Variants in KLF12 observed in about 807,000 individuals in gnomAD.
KLF12 encodes Krueppel-like factor 12.
In KLF12, 9 loss-of-function variants were observed where a neutral mutation model predicts 37.8. That is an observed-to-expected ratio of 0.24 (90% CI 0.14 to 0.42). The LOEUF (loss-of-function observed/expected upper bound fraction) is 0.42. KLF12 is among the 10% of genes least tolerant of loss of function. The probability of loss-of-function intolerance (pLI) is 1.00; values close to 1 mark genes in which losing one functional copy is unlikely to be tolerated. For missense variants in KLF12, 411 were observed against 516.0 expected, an observed-to-expected ratio of 0.80 and a Z score of 1.97; for synonymous variants, 208 against 202.1, an observed-to-expected ratio of 1.03 and a Z score of -0.25.
chr13:74,237,468 A>G, the KLF12 span, among the ~76,000 whole-genome samples: 7 of 138,256 alleles, frequency 5.1e-5, no homozygotes, highest in East Asian at 1.2e-3. Flanking sequence ...GTTTTTGCCA[A>G]TTCTGCGAAG....
chr13:74,006,038 A>C (rs1892401693), intron 1 of KLF12, among the ~76,000 whole-genome samples: 1 of 152,196 alleles, frequency 6.6e-6, no homozygotes, highest in South Asian at 2.1e-4. Context: ...TGCCTTAAAA[A>C]TATTCAGATG....
chr13:74,113,860 A>G (rs981484736), intron 1 of KLF12, among the ~76,000 whole-genome samples: 1 of 152,234 alleles, frequency 6.6e-6, no homozygotes, highest in African/African-American at 2.4e-5. Flanking sequence ...CTGATTCATC[A>G]TTCTAGATGT....
At chr13:74,219,384 G>A in the KLF12 span, among the ~76,000 whole-genome samples, 1 of 152,098 alleles carries the variant, frequency 6.6e-6, no homozygotes, top group African/African-American at 2.4e-5. Context: ...TAAAAGACCT[G>A]TATAATCCTC....
At chr13:73,886,757 C>T (rs1361823665) in intron 3 of KLF12, among the ~76,000 whole-genome samples, 2 of 152,016 alleles carry the variant, frequency 1.3e-5, no homozygotes, top group African/African-American at 2.4e-5. Context: ...TTTTGGAGGC[C>T]GAGGCGAGCG....
chr13:73,996,890 A>G (rs973420066), intron 1 of KLF12, among the ~76,000 whole-genome samples: 26 of 152,214 alleles, frequency 1.7e-4, no homozygotes, highest in African/African-American at 5.8e-4. Flanking sequence ...AGGAGAAGAC[A>G]TAAGGATGAA....
chr13:73,992,128 A>G (rs758244731), intron 2 of KLF12, among the ~76,000 whole-genome samples: 1 of 152,206 alleles, frequency 6.6e-6, no homozygotes, highest in Admixed American at 6.5e-5. Flanking sequence ...TGTTCTGAAC[A>G]CCTGCTCTAA....
chr13:73,741,537 A>T (rs1877979603), intron 6 of KLF12, among the ~76,000 whole-genome samples: 1 of 152,190 alleles, frequency 6.6e-6, no homozygotes, highest in Non-Finnish European at 1.5e-5. Context: ...CCAATAACAC[A>T]TTCTCTCTGA....
the KLF12 span, among the ~76,000 whole-genome samples, chr13:74,275,882 T>TTTCTTTC: frequency 2.2e-4 from 14 of 63,518 alleles, no homozygotes; most frequent in Non-Finnish European, 3.8e-4. Context: ...TTCTTTCTTC[T>TTTCTTTC]TTCTTTCTTT....
chr13:74,182,392 A>G, the KLF12 span, among the ~76,000 whole-genome samples: 1 of 152,200 alleles, frequency 6.6e-6, no homozygotes, highest in Admixed American at 6.5e-5. Flanking sequence ...GAATTAGAGG[A>G]CAAACTGATT....
At chr13:74,248,209 C>G in the KLF12 span, among the ~76,000 whole-genome samples, 1 of 152,136 alleles carries the variant, frequency 6.6e-6, no homozygotes, top group East Asian at 1.9e-4. Context: ...TGAGTTTACA[C>G]TGAGAGCTTG....
intron 3 of KLF12, among the ~76,000 whole-genome samples, chr13:73,878,517 T>G (rs1287992306): frequency 6.6e-6 from 1 of 152,204 alleles, no homozygotes; most frequent in Non-Finnish European, 1.5e-5. Flanking sequence ...CGTGGGAATT[T>G]GTTCTGCGTT....
Position 73,813,272 on chromosome 13 carries a change from C to T in KLF12, c.686G>A (p.Arg229Gln), listed in dbSNP as rs767522822. 3.7e-6 allele frequency: 6 copies of T among 1,613,766 alleles called. No homozygotes were observed. The highest frequency in any genetic ancestry group is 2.7e-5 in the African/African-American group (2 of 74,868). The change falls in exon 5 of 8, where the codon CGA becomes CAA. Residue 229 changes from arginine (R) to glutamine (Q), a missense_variant. Arg to Gln is a conservative substitution (Grantham distance 43). Transcript: ENST00000377669. ...TTTACTTTGTCTGGGAGATAGGCCT[C>T]GGGGGTCCATTTGTGCTGGAGAGAA...
At chr13:73,801,347 G>A (rs375682691) in intron 5 of KLF12, 5 of 152,034 alleles carry the variant, frequency 3.3e-5, no homozygotes, top group African/African-American at 1.2e-4. Flanking sequence ...GCATCCTGGT[G>A]AACTGAGTTA....
chr13:74,304,661 C>T, the KLF12 span, among the ~76,000 whole-genome samples: 3 of 151,892 alleles, frequency 2.0e-5, no homozygotes, highest in Admixed American at 1.3e-4. Context: ...GGGTGAAGTA[C>T]GTGTTTATTA....
At chr13:73,833,996 C>A (rs1884301043) in intron 4 of KLF12, among the ~76,000 whole-genome samples, 1 of 152,166 alleles carries the variant, frequency 6.6e-6, no homozygotes, top group African/African-American at 2.4e-5. Flanking sequence ...TTAATGCATT[C>A]ATTTCTTCAT....
intron 6 of KLF12, among the ~76,000 whole-genome samples, chr13:73,739,267 AT>A (rs1425809008): frequency 2.7e-5 from 4 of 150,230 alleles, no homozygotes; most frequent in South Asian, 2.1e-4. Context: ...AATAATAATA[AT>A]AATAATAAAT....
intron 1 of KLF12, among the ~76,000 whole-genome samples, chr13:74,094,669 G>A (rs915391615): frequency 6.6e-6 from 1 of 150,944 alleles, no homozygotes; most frequent in Non-Finnish European, 1.5e-5. Flanking sequence ...GCCCCACCTC[G>A]GCTCACTGCA....
the KLF12 span, chr13:74,256,809 CTGTT>C: frequency 6.6e-6 from 1 of 152,180 alleles, no homozygotes; most frequent in Admixed American, 6.5e-5. Flanking sequence ...ATTTTAATCA[CTGTT>C]TGATCTTATA....
the KLF12 span, among the ~76,000 whole-genome samples, chr13:74,140,396 G>A: frequency 1.3e-5 from 2 of 152,128 alleles, no homozygotes; most frequent in Non-Finnish European, 2.9e-5. Context: ...GTGGTGGCAT[G>A]TGCCTGTAAT....
Sources: gnomAD v4.1 joint callset for allele counts (sites outside exome capture counted in the v4.1 genomes callset) on GRCh38, gnomAD v4.1.1 for gene constraint, MANE v1.5 for transcripts, NCBI Gene and HGNC (gene_info 2026-07-23, HGNC 2026-07-21) for gene names.